The following PRUNE2 variants were observed in gnomAD, a reference collection of about 807,000 sequenced individuals.
The protein encoded by PRUNE2 is prune homolog 2 with BCH domain.
In PRUNE2, 164 loss-of-function variants were observed where a neutral mutation model predicts 252.0. That is an observed-to-expected ratio of 0.65 (90% confidence interval 0.57 to 0.74). The LOEUF (loss-of-function observed/expected upper bound fraction) is 0.74. PRUNE2 is among the 30% of genes least tolerant of loss of function. The pLI is 0.00. For missense variants in PRUNE2, 3,495 were observed against 3,711.0 expected (o/e 0.94, Z 1.51); for synonymous variants, 1,292 against 1,350.2 (o/e 0.96, Z 0.94).
intron 9 of PRUNE2, among the ~76,000 whole-genome samples, chr9:76,676,906 G>A (rs1317478355): frequency 2.6e-5 from 4 of 152,188 alleles, no homozygotes; most frequent in African/African-American, 9.6e-5. Context: ...CCCGAGCTCA[G>A]ATTAATCCAT....
At chr9:76,766,690 CAT>C in intron 6 of PRUNE2, among the ~76,000 whole-genome samples, 1 of 152,250 alleles carries the variant, frequency 6.6e-6, no homozygotes, top group Non-Finnish European at 1.5e-5. Context: ...CTTCTTCAAA[CAT>C]GTCAATTTTG....
Position 76,709,379 on chromosome 9 carries a change from G to A in PRUNE2, c.2895C>T (p.Thr965=), listed in dbSNP as rs766801316. The change falls in exon 8 of 19, where the codon ACC becomes ACT. Residue 965 remains threonine (T), a synonymous_variant. Coordinates refer to ENST00000376718, the MANE Select transcript of PRUNE2 (RefSeq NM_015225.3). The part of the protein sequence containing the change: ...GEDSVPSPLD[T]NYSTSDSYTS... ...TGTAAGAGTCTGAGGTGGAATAATT[G>A]GTATCTAAGGGGGAAGGCACCGAAT... The A allele has an allele frequency of 1.9e-6, 3 of 1,613,982 alleles. No individual in the cohort carries two copies. The highest frequency in any genetic ancestry group is 1.7e-5 in the Admixed American group (1 of 60,022).
Position 76,705,763 on chromosome 9 carries a change from T to A in PRUNE2, c.6511A>T (p.Ile2171Phe), listed in dbSNP as rs372758600. The A allele has an allele frequency of 3.1e-6, 5 of 1,613,846 alleles. No homozygotes were observed. In the African/African-American group the frequency reaches 5.3e-5, roughly 17 times the overall value. Residue 2171 changes from isoleucine (I) to phenylalanine (F), a missense_variant, in exon 8 of 19, where the codon ATT becomes TTT. By Grantham distance (21) the Ile-to-Phe change is conservative. Coordinates refer to ENST00000376718, the MANE Select transcript of PRUNE2 (RefSeq NM_015225.3). ...DSENATVLPP[I>F]GYQADIKGSS... ...CCCTTTATGTCTGCTTGATAGCCAA[T>A]TGGAGGCAGCACAGTTGCGTTTTCA...
In PRUNE2 at chr9:76,645,915, T is replaced by C. The variant is rs1395734228; in HGVS notation, c.8558-1006A>G. On this transcript the variant is annotated intron_variant, in intron 11 of 18. Transcript: ENST00000376718. ...GCACTATTGTGTTAAGTATTGACCTTGTACCAGGTACTAGTTGGTATTAAA... is the reference window on the plus strand; with the variant it reads ...GCACTATTGTGTTAAGTATTGACCTCGTACCAGGTACTAGTTGGTATTAAA... Among the ~76,000 whole-genome samples the C allele has an allele frequency of 2.0e-5, 3 of 152,236 alleles. No individual in the cohort carries two copies. In the South Asian group the frequency reaches 6.2e-4, roughly 31 times the overall value.
At chr9:76,845,581 C>T (rs913705229) in intron 4 of PRUNE2, among the ~76,000 whole-genome samples, 1 of 152,210 alleles carries the variant, frequency 6.6e-6, no homozygotes, top group Non-Finnish European at 1.5e-5. Flanking sequence ...GAATTATACA[C>T]TTCTTGGACC....
At chr9:76,624,410 A>G in intron 17 of PRUNE2, 42 bp downstream of exon 17, 1 of 1,349,498 alleles carries the variant, frequency 7.4e-7, no homozygotes, top group Non-Finnish European at 9.7e-7. Context: ...CTGAAATGCA[A>G]GCCAACATCA....
intron 1 of PRUNE2, among the ~76,000 whole-genome samples, chr9:76,860,892 C>T (rs1442626152): frequency 6.6e-6 from 1 of 152,182 alleles, no homozygotes; most frequent in Non-Finnish European, 1.5e-5. Flanking sequence ...TCCAAGTCAA[C>T]CAGGGTGTCT....
chr9:76,895,793 T>C (rs995857775), intron 1 of PRUNE2, among the ~76,000 whole-genome samples: 1 of 152,116 alleles, frequency 6.6e-6, no homozygotes, highest in African/African-American at 2.4e-5. Flanking sequence ...TATTTATTTA[T>C]TTATTTTTGA....
intron 6 of PRUNE2, among the ~76,000 whole-genome samples, chr9:76,812,744 C>CTTCATT (rs2057441070): frequency 1.3e-5 from 2 of 152,158 alleles, no homozygotes; most frequent in South Asian, 4.1e-4. Flanking sequence ...TGATGGCCAC[C>CTTCATT]TTCAGCTCCA....
intron 6 of PRUNE2, among the ~76,000 whole-genome samples, chr9:76,776,893 TACACACACACACACACACACACAC>T (rs541232508): frequency 7.8e-5 from 9 of 115,668 alleles, no homozygotes; most frequent in Admixed American, 4.7e-4. Context: ...CCAAAACACA[TACACACACACACACACACACACAC>T]ACACACACAC....
intron 6 of PRUNE2, among the ~76,000 whole-genome samples, chr9:76,806,118 C>T (rs764356239): frequency 8.5e-5 from 13 of 152,120 alleles, no homozygotes; most frequent in African/African-American, 2.9e-4. Flanking sequence ...TCTGAACCAG[C>T]GGCATCAGCA....
intron 9 of PRUNE2, among the ~76,000 whole-genome samples, chr9:76,678,830 AAAAT>A (rs532676155): frequency 7.8e-4 from 119 of 152,352 alleles, no homozygotes; most frequent in Non-Finnish European, 1.2e-3. Flanking sequence ...TCCGTCTCAA[AAAAT>A]AAATAAATAA....
intron 1 of PRUNE2, among the ~76,000 whole-genome samples, chr9:76,865,795 C>T (rs998235483): frequency 7.0e-5 from 10 of 143,826 alleles, no homozygotes; most frequent in African/African-American, 1.6e-4. Context: ...TTCTTTCTCC[C>T]TCTCTCTCCC....
chr9:76,623,424 A>G (rs949534238), intron 17 of PRUNE2, among the ~76,000 whole-genome samples: 1 of 151,876 alleles, frequency 6.6e-6, no homozygotes, highest in African/African-American at 2.4e-5. Flanking sequence ...CCTCCCGAGT[A>G]GCTCGGACTA....
chr9:76,849,060 C>T (rs536597119), intron 3 of PRUNE2, among the ~76,000 whole-genome samples: 15 of 152,168 alleles, frequency 9.9e-5, no homozygotes, highest in East Asian at 3.9e-4. Context: ...AGGTACATAC[C>T]ACTATGGCCA....
rs762159884 is a variant in PRUNE2, at chr9:76,710,783, G to A, written c.1491C>T (p.Asp497=). ...ACTGCCCAGAAGCCATGGGTGCTGGGTCAAAATTGAAGAGGTCGAAGTGCT... is the reference window on the plus strand; with the variant it reads ...ACTGCCCAGAAGCCATGGGTGCTGGATCAAAATTGAAGAGGTCGAAGTGCT... ...HGEHFDLFNF[D]PAPMASGQSQ... The change falls in exon 8 of 19, where the codon GAC becomes GAT. Residue 497 remains aspartate (D), a synonymous_variant. Transcript: ENST00000376718. The A allele has an allele frequency of 1.1e-5, 18 of 1,595,562 alleles. No individual in the cohort carries two copies. Among genetic ancestry groups the A allele is most frequent in the Non-Finnish European group, 1.4e-5 (16 of 1,172,476 alleles).
intron 2 of PRUNE2, among the ~76,000 whole-genome samples, chr9:76,851,877 T>C (rs1168740635): frequency 6.6e-6 from 1 of 152,178 alleles, no homozygotes; most frequent in Non-Finnish European, 1.5e-5. Context: ...ATGTTAAAAA[T>C]AAAGGTGCTT....
chr9:76,630,147 G>GTA (rs1836845522), intron 15 of PRUNE2, among the ~76,000 whole-genome samples: 1 of 151,066 alleles, frequency 6.6e-6, no homozygotes, highest in South Asian at 2.1e-4. Context: ...TTATTTGTTT[G>GTA]TAACAAACAA....
chr9:76,842,752 A>C (rs2059460168), intron 4 of PRUNE2, among the ~76,000 whole-genome samples: 1 of 152,268 alleles, frequency 6.6e-6, no homozygotes, highest in Non-Finnish European at 1.5e-5. Flanking sequence ...TCATTAGAGA[A>C]ATGCAAATCA....
Sources: allele counts gnomAD v4.1 joint callset (sites outside exome capture counted in the v4.1 genomes callset), GRCh38; gene constraint gnomAD v4.1.1; transcripts MANE v1.5; gene names NCBI Gene and HGNC (gene_info 2026-07-23, HGNC 2026-07-21).